The following RYK variants were observed in gnomAD, a reference collection of about 807,000 sequenced individuals.
RYK encodes receptor like tyrosine kinase, also known as inactive tyrosine-protein kinase RYK.
A neutral mutation model predicts 70.2 loss-of-function variants in RYK; 21 were observed. That is an observed-to-expected ratio of 0.30 (90% CI 0.21 to 0.43). RYK has a LOEUF of 0.43. Ranked by LOEUF, RYK falls within the 20% of genes least tolerant of loss-of-function variation. The pLI, the probability that RYK is intolerant of heterozygous loss-of-function variation, is 1.00. For synonymous variants in RYK, 267 were observed against 278.0 expected, an observed-to-expected ratio of 0.96 and a Z score of 0.39; for missense variants, 604 against 753.3, an observed-to-expected ratio of 0.80 and a Z score of 2.32.
In RYK at chr3:134,191,931, G is replaced by A. The variant is rs768783642; in HGVS notation, c.933C>T (p.Val311=). Residue 311 remains valine, a synonymous_variant, in exon 8 of 15, where the codon GTC becomes GTT. Coordinates refer to ENST00000623711, the MANE Select transcript of RYK (RefSeq NM_002958.4). ...CCTTGCCTTTGGCCTCCAAAAGAGTGACACTTCTCAAGTCGTTCTTCTCTA... is the reference window on the plus strand; with the variant it reads ...CCTTGCCTTTGGCCTCCAAAAGAGTAACACTTCTCAAGTCGTTCTTCTCTA... ...LRIEKNDLRS[V]TLLEAKGKVK... The A allele has an allele frequency of 3.7e-6, 6 of 1,613,402 alleles. No individual in the cohort carries two copies. The South Asian group carries it at 5.5e-5, about 15-fold the overall frequency.
At chr3:134,228,442 A>G (rs1041011893) in intron 1 of RYK, among the ~76,000 whole-genome samples, 2 of 152,246 alleles carry the variant, frequency 1.3e-5, no homozygotes, top group Non-Finnish European at 2.9e-5. Flanking sequence ...AGATCAACCT[A>G]ACTGTCCAAC....
chr3:134,183,141 T>C, intron 9 of RYK, 70 bp from the exon 10 acceptor site: 1 of 841,874 alleles, frequency 1.2e-6, no homozygotes, highest in South Asian at 2.0e-5. Flanking sequence ...TTTCTGCTAT[T>C]AGTAAATAAT....
chr3:134,249,531 G>C (rs1188113962), intron 1 of RYK, among the ~76,000 whole-genome samples: 1 of 152,074 alleles, frequency 6.6e-6, no homozygotes, highest in Non-Finnish European at 1.5e-5. Context: ...TTGGGGGGTC[G>C]TTCCTGTCAG....
chr3:134,199,318 CT>C (rs1333252906), intron 6 of RYK, among the ~76,000 whole-genome samples: 11 of 152,368 alleles, frequency 7.2e-5, no homozygotes, highest in Admixed American at 6.5e-4. Flanking sequence ...GAGCCATGGG[CT>C]CCATCTAACC....
chr3:134,207,958 A>G lies in RYK; in HGVS notation c.590-433T>C, dbSNP rs376883087. Reference sequence around the variant, plus strand: ...AGTACAGATGTTTTCTGTTGCAGACAGTTTTTGAAATATAGTAGGCTGGAA... The same window carrying G: ...AGTACAGATGTTTTCTGTTGCAGACGGTTTTTGAAATATAGTAGGCTGGAA... On this transcript the variant is annotated intron_variant, in intron 4 of 14. Coordinates refer to ENST00000623711, the MANE Select transcript of RYK (RefSeq NM_002958.4). 2.0e-5 allele frequency among the ~76,000 whole-genome samples: 3 copies of G among 152,174 alleles called. No individual in the cohort carries two copies. In the South Asian group the frequency reaches 6.2e-4, roughly 32 times the overall value.
In RYK at chr3:134,208,711, G is replaced by T. The variant is rs143849783; in HGVS notation, c.589+984C>A. On this transcript the variant is annotated intron_variant, in intron 4 of 14. Coordinates refer to ENST00000623711, the MANE Select transcript of RYK (RefSeq NM_002958.4). Reference sequence around the variant, plus strand: ...TATTAAAAGAAAGTTTAACAAAGAGGCTGAGAGAACAGGTCTGCATCCTAG... The same window carrying T: ...TATTAAAAGAAAGTTTAACAAAGAGTCTGAGAGAACAGGTCTGCATCCTAG... Among the ~76,000 whole-genome samples, 746 of 152,232 alleles carry T rather than the reference G, an allele frequency of 4.9e-3. 2 individuals are homozygous for T. Among genetic ancestry groups the T allele is most frequent in the African/African-American group, 0.017 (715 of 41,524 alleles).
intron 2 of RYK, among the ~76,000 whole-genome samples, chr3:134,216,015 G>C (rs1305633102): frequency 7.6e-6 from 1 of 131,578 alleles, no homozygotes; most frequent in African/African-American, 3.0e-5. Flanking sequence ...CAGTGTGGGT[G>C]ACAGAGTGAG....
intron 9 of RYK, 45 bp downstream of exon 9, chr3:134,188,792 G>T: frequency 8.3e-7 from 1 of 1,209,258 alleles, no homozygotes; most frequent in East Asian, 2.5e-5. Flanking sequence ...GGAGCCACCT[G>T]AGACAGAAGA....
chr3:134,235,759 A>G (rs1560027918), intron 1 of RYK, among the ~76,000 whole-genome samples: 1 of 152,166 alleles, frequency 6.6e-6, no homozygotes, highest in Non-Finnish European at 1.5e-5. Context: ...GTTAAGCATC[A>G]CAGAGGTTAA....
At chr3:134,177,894 T>C in intron 11 of RYK, 47 bp downstream of exon 11, 2 of 1,523,812 alleles carry the variant, frequency 1.3e-6, no homozygotes, top group South Asian at 1.2e-5. Context: ...AAAGACATTA[T>C]CAGAAACTAC....
At chr3:134,187,750 G>T (rs1046099626) in intron 9 of RYK, among the ~76,000 whole-genome samples, 1 of 150,520 alleles carries the variant, frequency 6.6e-6, no homozygotes, top group Non-Finnish European at 1.5e-5. Context: ...TAGAGACGGG[G>T]GGTCTTGCTA....
At chr3:134,181,626 A>G (rs974431504) in intron 10 of RYK, 6 of 152,174 alleles carry the variant, frequency 3.9e-5, no homozygotes, top group Non-Finnish European at 1.5e-5. Context: ...GTATACAGAA[A>G]CTATATTTTT....
intron 1 of RYK, among the ~76,000 whole-genome samples, chr3:134,235,842 C>G: frequency 6.6e-6 from 1 of 151,998 alleles, no homozygotes; most frequent in Non-Finnish European, 1.5e-5. Flanking sequence ...GGAACCAGTT[C>G]TGTGGCAAGC....
chr3:134,211,213 T>C (rs1350856559), intron 3 of RYK, among the ~76,000 whole-genome samples: 1 of 152,140 alleles, frequency 6.6e-6, no homozygotes, highest in Non-Finnish European at 1.5e-5. Flanking sequence ...GGGTGAAATG[T>C]GGTGCCTAAT....
chr3:134,226,915 C>T (rs1365152348), intron 1 of RYK, among the ~76,000 whole-genome samples: 3 of 152,114 alleles, frequency 2.0e-5, no homozygotes, highest in Non-Finnish European at 2.9e-5. Context: ...AAGATGTCCA[C>T]TTCCACAACT....
At chr3:134,204,342 T>A (rs887734062) in intron 5 of RYK, among the ~76,000 whole-genome samples, 3 of 149,830 alleles carry the variant, frequency 2.0e-5, no homozygotes, top group Admixed American at 2.0e-4. Flanking sequence ...GAAAAAAAAA[T>A]ACAAAAATTA....
chr3:134,227,442 A>C (rs2014943254), intron 1 of RYK, among the ~76,000 whole-genome samples: 2 of 152,090 alleles, frequency 1.3e-5, no homozygotes, highest in Non-Finnish European at 1.5e-5. Context: ...CATGCCAACA[A>C]CGATCTTGAA....
rs1491241150 is a variant in RYK, at chr3:134,188,149, CAA to C, written c.1102+686_1102+687del. Among the ~76,000 whole-genome samples the C allele has an allele frequency of 1.1e-4, 14 of 124,984 alleles. No homozygotes were observed. In the East Asian group the frequency reaches 2.0e-3, roughly 18 times the overall value. 82.0% of individuals were successfully genotyped at this position (124,984 alleles called of 152,430 possible). On this transcript the variant is annotated intron_variant, in intron 9 of 14. Coordinates refer to ENST00000623711, the MANE Select transcript of RYK (RefSeq NM_002958.4). The stretch of plus-strand genomic sequence containing the variant: ...TGCTATCTTTTAGAGGACAATCTAA[CAA>C]TATATATATATATATATTTTTTTTT...
At chr3:134,203,933 A>T (rs976855604) in intron 5 of RYK, among the ~76,000 whole-genome samples, 1 of 152,244 alleles carries the variant, frequency 6.6e-6, no homozygotes, top group African/African-American at 2.4e-5. Flanking sequence ...AAAGTTAAAA[A>T]GCCACATGTG....
Sources: gnomAD v4.1 joint callset for allele counts (sites outside exome capture counted in the v4.1 genomes callset) on GRCh38, gnomAD v4.1.1 for gene constraint, MANE v1.5 for transcripts, NCBI Gene and HGNC (gene_info 2026-07-23, HGNC 2026-07-21) for gene names.